The following IGF1R variants were observed in gnomAD, a reference collection of about 807,000 sequenced individuals.
IGF1R encodes insulin-like growth factor 1 receptor.
IGF1R carries 44 observed loss-of-function variants against 144.6 expected under a neutral mutation model. The ratio of observed to expected loss-of-function variants is 0.30; its 90% CI spans 0.24 to 0.39. The LOEUF is 0.39. Among genes scored for constraint, IGF1R ranks in the 10% least tolerant of loss-of-function variants. The pLI is 1.00. For missense variants in IGF1R, 1,355 were observed against 1,833.7 expected (o/e 0.74, Z 4.77); for synonymous variants, 795 against 722.8 (o/e 1.10, Z -1.60).
At chr15:98,752,184 A>G (rs1387334572) in intron 2 of IGF1R, among the ~76,000 whole-genome samples, 1 of 151,984 alleles carries the variant, frequency 6.6e-6, no homozygotes, top group African/African-American at 2.4e-5. Flanking sequence ...TTAGCCAATG[A>G]CAAGCAGATG....
intron 2 of IGF1R, among the ~76,000 whole-genome samples, chr15:98,801,427 TCAAAA>T (rs1028504804): frequency 1.3e-5 from 2 of 152,200 alleles, no homozygotes; most frequent in Non-Finnish European, 2.9e-5. Context: ...TGAACCTCTA[TCAAAA>T]CAAACACCCA....
intron 1 of IGF1R, among the ~76,000 whole-genome samples, chr15:98,658,890 T>C (rs560278700): frequency 1.3e-5 from 2 of 152,376 alleles, no homozygotes; most frequent in Admixed American, 1.3e-4. Flanking sequence ...GCAAATAATT[T>C]AATCTTCTTG....
intron 19 of IGF1R, among the ~76,000 whole-genome samples, chr15:98,948,123 T>A (rs144169540): frequency 6.6e-6 from 1 of 152,288 alleles, no homozygotes; most frequent in Non-Finnish European, 1.5e-5. Context: ...TGGTAAAGCT[T>A]GACTGTCCCA....
intron 1 of IGF1R, among the ~76,000 whole-genome samples, chr15:98,664,217 G>A (rs2052670197): frequency 6.6e-6 from 1 of 152,146 alleles, no homozygotes. Context: ...CGACTAGAAA[G>A]CAGGCCTTCT....
At position 98,964,213 on chromosome 15, in the gene IGF1R, T is replaced by A. The variant is rs886051624; in HGVS notation, c.*6771T>A. Reference sequence around the variant, plus strand: ...TCTGAGTTTTCTTGTTAAAAAAAAATTTTTTTAAGTAAGAAAAAAAAAGGT... The same window carrying A: ...TCTGAGTTTTCTTGTTAAAAAAAAAATTTTTTAAGTAAGAAAAAAAAAGGT... On this transcript the variant is annotated 3_prime_UTR_variant, in exon 21 of 21. Coordinates refer to ENST00000650285, the MANE Select transcript of IGF1R (RefSeq NM_000875.5). The A allele has an allele frequency of 4.3e-4, 99 of 231,784 alleles. 1 individual carries two copies. The highest frequency in any genetic ancestry group is 2.6e-3 in the Middle Eastern group (2 of 772). The allele number at this position is 231,784 out of a possible 1,614,324, so 14.4% of individuals were successfully genotyped here. A position where few individuals can be genotyped will look rare whatever the true frequency, so the allele number is the denominator to read the frequency against.
chr15:98,788,297 T>G (rs1193273759), intron 2 of IGF1R, among the ~76,000 whole-genome samples: 1 of 152,052 alleles, frequency 6.6e-6, no homozygotes, highest in Non-Finnish European at 1.5e-5. Flanking sequence ...AGAGGAGCAT[T>G]TTAAAGATGT....
At position 98,960,172 on chromosome 15, in the gene IGF1R, G is replaced by A. The variant is rs1200578131; in HGVS notation, c.*2730G>A. The A allele has an allele frequency of 1.3e-5, 3 of 233,572 alleles. No individual in the cohort carries two copies. Among genetic ancestry groups the A allele is most frequent in the South Asian group, 3.6e-4 (2 of 5,532 alleles). 14.5% of individuals were successfully genotyped at this position (233,572 alleles called of 1,614,324 possible). A position where few individuals can be genotyped will look rare whatever the true frequency, so the allele number is the denominator to read the frequency against. On this transcript the variant is annotated 3_prime_UTR_variant, in exon 21 of 21. Transcript: ENST00000650285. ...TGGTAACCTCATCCACGCCACAGGC[G>A]CCACACCCAGGTGATGCAGGGGGAA...
chr15:98,738,397 A>G (rs2054662011), intron 2 of IGF1R, among the ~76,000 whole-genome samples: 2 of 152,180 alleles, frequency 1.3e-5, no homozygotes, highest in African/African-American at 4.8e-5. Context: ...GGACCTGGGC[A>G]GGTTGGCTCT....
rs1410061200 is a variant in IGF1R at position 98,959,411 on chromosome 15, A to C, written c.*1969A>C. The C allele has an allele frequency of 1.7e-5, 4 of 233,774 alleles. No individual in the cohort carries two copies. The highest frequency in any genetic ancestry group is 1.2e-4 in the East Asian group (2 of 16,612). The allele number at this position is 233,774 out of a possible 1,614,324, so 14.5% of individuals were successfully genotyped here. A position where few individuals can be genotyped will look rare whatever the true frequency, so the allele number is the denominator to read the frequency against. Reference sequence around the variant, plus strand: ...CCGACTGACCTGTCTTTGGAACCAGAACATCCCAAGGGAACTCCTTCGCAC... The same window carrying C: ...CCGACTGACCTGTCTTTGGAACCAGCACATCCCAAGGGAACTCCTTCGCAC... On this transcript the variant is annotated 3_prime_UTR_variant, in exon 21 of 21. Coordinates refer to ENST00000650285, the MANE Select transcript of IGF1R (RefSeq NM_000875.5).
chr15:98,855,589 T>G (rs1157708184), intron 2 of IGF1R, among the ~76,000 whole-genome samples: 2 of 152,234 alleles, frequency 1.3e-5, no homozygotes, highest in Admixed American at 6.5e-5. Flanking sequence ...ATTATACTTT[T>G]GTACCCCCGC....
At chr15:98,700,087 G>T (rs540446278) in intron 1 of IGF1R, among the ~76,000 whole-genome samples, 1 of 152,200 alleles carries the variant, frequency 6.6e-6, no homozygotes, top group East Asian at 1.9e-4. Flanking sequence ...TGAAGTGTCA[G>T]TAGTGTTTGT....
chr15:98,936,643 T>A (rs963089646), intron 17 of IGF1R, among the ~76,000 whole-genome samples: 3 of 151,616 alleles, frequency 2.0e-5, no homozygotes, highest in African/African-American at 7.3e-5. Context: ...GTTCTTTGAA[T>A]CGGCAACTTA....
At chr15:98,834,242 A>G (rs1421237300) in intron 2 of IGF1R, among the ~76,000 whole-genome samples, 1 of 152,226 alleles carries the variant, frequency 6.6e-6, no homozygotes, top group African/African-American at 2.4e-5. Flanking sequence ...TTAGATCACC[A>G]GCATCACCAT....
At chr15:98,848,803 C>G (rs1027964651) in intron 2 of IGF1R, among the ~76,000 whole-genome samples, 1 of 152,128 alleles carries the variant, frequency 6.6e-6, no homozygotes, top group South Asian at 2.1e-4. Context: ...AATTTATCAT[C>G]ATACAACTGT....
At chr15:98,843,231 T>C (rs1166008538) in intron 2 of IGF1R, among the ~76,000 whole-genome samples, 5 of 152,202 alleles carry the variant, frequency 3.3e-5, no homozygotes, top group Admixed American at 1.3e-4. Context: ...GCATCTTTTT[T>C]CCCCAGAAAG....
At chr15:98,736,615 T>TC (rs1431675435) in intron 2 of IGF1R, among the ~76,000 whole-genome samples, 1 of 140,732 alleles carries the variant, frequency 7.1e-6, no homozygotes, top group Non-Finnish European at 1.5e-5. Context: ...TTTTTCTTTT[T>TC]TCTTTTTTTT....
chr15:98,923,390 G>T (rs901254803), intron 11 of IGF1R, among the ~76,000 whole-genome samples: 8 of 152,260 alleles, frequency 5.3e-5, no homozygotes, highest in Admixed American at 2.0e-4. Flanking sequence ...GTTGCCGCGT[G>T]TAGACGCGGG....
At chr15:98,941,807 A>T (rs188625918) in intron 18 of IGF1R, among the ~76,000 whole-genome samples, 5 of 152,216 alleles carry the variant, frequency 3.3e-5, no homozygotes, top group Non-Finnish European at 7.3e-5. Context: ...TCTTTGGGGC[A>T]TGAGTTAGAG....
chr15:98,693,767 C>A (rs369431077), intron 1 of IGF1R, among the ~76,000 whole-genome samples: 5 of 152,018 alleles, frequency 3.3e-5, no homozygotes, highest in Non-Finnish European at 7.4e-5. Flanking sequence ...CACCATGCCA[C>A]GCTCATTTTT....
Sources: allele counts gnomAD v4.1 joint callset (sites outside exome capture counted in the v4.1 genomes callset), GRCh38; gene constraint gnomAD v4.1.1; transcripts MANE v1.5; gene names NCBI Gene and HGNC (gene_info 2026-07-23, HGNC 2026-07-21).